PAX5: variants seen among roughly 807,000 people sequenced by gnomAD.
PAX5 encodes the protein paired box 5, also known as paired box protein Pax-5.
In PAX5, 9 loss-of-function variants were observed where a neutral mutation model predicts 43.7. The ratio of observed to expected loss-of-function variants is 0.21; its 90% CI spans 0.12 to 0.36. PAX5 has a LOEUF of 0.36. Among genes scored for constraint, PAX5 ranks in the 10% least tolerant of loss-of-function variants. PAX5 has a pLI of 1.00. For missense variants in PAX5, 383 were observed against 532.7 expected (o/e 0.72, Z 2.77); for synonymous variants, 228 against 214.3 (o/e 1.06, Z -0.56).
At chr9:36,929,386 C>T (rs79708550) in intron 6 of PAX5, among the ~76,000 whole-genome samples, 2,207 of 152,256 alleles carry the variant, frequency 0.014, 46 homozygotes, top group African/African-American at 0.049. Flanking sequence ...TTCCATTTCT[C>T]AGTTTTTTCG....
chr9:36,934,425 A>G (rs1831381983), intron 6 of PAX5, among the ~76,000 whole-genome samples: 2 of 152,240 alleles, frequency 1.3e-5, no homozygotes, highest in Non-Finnish European at 2.9e-5. Flanking sequence ...CTTGGACTCA[A>G]TGTCTATCAG....
chr9:37,020,790 C>T lies in PAX5; in HGVS notation c.58G>A (p.Val20Met). The T allele has an allele frequency of 1.2e-6, 2 of 1,614,174 alleles. No homozygotes were observed. The highest frequency in any genetic ancestry group is 2.2e-5 in the East Asian group (1 of 44,890). ...PRTSRTGHGG[V>M]NQLGGVFVNG... ...ACAAAAACCCCCCCAAGCTGATTCACTCCTCCATGTCCTGAAACAGATCAG... is the reference window on the plus strand; with the variant it reads ...ACAAAAACCCCCCCAAGCTGATTCATTCCTCCATGTCCTGAAACAGATCAG... The change falls in exon 2 of 10, where the codon GTG becomes ATG. Residue 20 changes from valine to methionine, a missense_variant. This residue lies in a region of PAX5 where 54 missense variants were observed against 68.6 expected (regional missense o/e 0.79). Transcript: ENST00000358127.
rs1828300313 is a variant in PAX5 at position 36,900,653 on chromosome 9, C to T, written c.911-18548G>A. On this transcript the variant is annotated intron_variant, in intron 7 of 9. Coordinates refer to ENST00000358127, the MANE Select transcript of PAX5 (RefSeq NM_016734.3). Reference sequence around the variant, plus strand: ...CGGGCTTCTCCATGGCGTCCTCCTCCATGGCGTCCTCCTCCTCAGCCACCC... The same window carrying T: ...CGGGCTTCTCCATGGCGTCCTCCTCTATGGCGTCCTCCTCCTCAGCCACCC... Among the ~76,000 whole-genome samples the T allele has an allele frequency of 2.0e-5, 3 of 152,188 alleles. No individual in the cohort carries two copies. In the South Asian group the frequency reaches 6.2e-4, roughly 32 times the overall value.
chr9:37,020,300 T>C (rs1839745334), intron 2 of PAX5, among the ~76,000 whole-genome samples: 1 of 152,210 alleles, frequency 6.6e-6, no homozygotes, highest in African/African-American at 2.4e-5. Context: ...TCTGGTTATG[T>C]GATATTAAGT....
At position 36,966,535 on chromosome 9, in the gene PAX5, A is replaced by T; in HGVS notation, c.780+14T>A. The T allele has an allele frequency of 1.2e-6, 2 of 1,607,624 alleles. No individual in the cohort carries two copies. Among genetic ancestry groups the T allele is most frequent in the South Asian group, 2.2e-5 (2 of 90,666 alleles). Reference sequence around the variant, plus strand: ...GCGGTGGCAGGTGTGGTGGGCGTGCATCACGAGGCGTACCTGCTCGGGCTT... The same window carrying T: ...GCGGTGGCAGGTGTGGTGGGCGTGCTTCACGAGGCGTACCTGCTCGGGCTT... On this transcript the variant is annotated intron_variant, in intron 6 of 9. Transcript: ENST00000358127.
At position 36,926,171 on chromosome 9, in the gene PAX5, G is replaced by T. The variant is rs74613252; in HGVS notation, c.781-2687C>A. Among the ~76,000 whole-genome samples the T allele has an allele frequency of 9.9e-3, 1,504 of 152,258 alleles. 26 individuals carry two copies. Among genetic ancestry groups the T allele is most frequent in the African/African-American group, 0.034 (1,421 of 41,538 alleles). On this transcript the variant is annotated intron_variant, in intron 6 of 9. Coordinates refer to ENST00000358127, the MANE Select transcript of PAX5 (RefSeq NM_016734.3). ...TACAGCTTCTAGGTGCCCAAGCCAGGATTCAAACCTGGGTCCTTCTGACTC... is the reference window on the plus strand; with the variant it reads ...TACAGCTTCTAGGTGCCCAAGCCAGTATTCAAACCTGGGTCCTTCTGACTC...
At chr9:37,031,396 C>T (rs1031801294) in intron 1 of PAX5, among the ~76,000 whole-genome samples, 4 of 152,204 alleles carry the variant, frequency 2.6e-5, no homozygotes, top group Non-Finnish European at 5.9e-5. Flanking sequence ...ATATCTATCA[C>T]TCCATTCCAG....
intron 9 of PAX5, among the ~76,000 whole-genome samples, chr9:36,842,457 C>G (rs901103863): frequency 6.6e-6 from 1 of 152,172 alleles, no homozygotes; most frequent in African/African-American, 2.4e-5. Flanking sequence ...CCCCAGCCAC[C>G]TCTCACCCTG....
At chr9:36,880,766 C>T (rs1329251111) in intron 8 of PAX5, among the ~76,000 whole-genome samples, 1 of 152,202 alleles carries the variant, frequency 6.6e-6, no homozygotes, top group Non-Finnish European at 1.5e-5. Flanking sequence ...TTAGTAGAGA[C>T]AGGGCTTCGC....
intron 5 of PAX5, among the ~76,000 whole-genome samples, chr9:36,986,774 T>A (rs1836466773): frequency 6.6e-6 from 1 of 152,148 alleles, no homozygotes; most frequent in East Asian, 1.9e-4. Flanking sequence ...CCGAGCTGTA[T>A]TCTCACGGTG....
chr9:36,981,189 C>G (rs1304199384), intron 5 of PAX5, among the ~76,000 whole-genome samples: 6 of 145,780 alleles, frequency 4.1e-5, no homozygotes, highest in Admixed American at 2.7e-4. Context: ...AGCAAAGCCC[C>G]CCCCCCCTCA....
intron 7 of PAX5, among the ~76,000 whole-genome samples, chr9:36,897,707 T>C (rs1827989725): frequency 6.6e-6 from 1 of 152,232 alleles, no homozygotes; most frequent in Non-Finnish European, 1.5e-5. Flanking sequence ...GTTGCTTTCC[T>C]GCCCTTCCCT....
intron 5 of PAX5, among the ~76,000 whole-genome samples, chr9:36,986,971 C>T (rs1236617122): frequency 6.6e-6 from 1 of 152,190 alleles, no homozygotes; most frequent in Non-Finnish European, 1.5e-5. Flanking sequence ...GGAGGAAGGC[C>T]TGGCAGCATC....
chr9:36,921,729 T>C (rs1830184314), intron 7 of PAX5, among the ~76,000 whole-genome samples: 1 of 152,214 alleles, frequency 6.6e-6, no homozygotes, highest in South Asian at 2.1e-4. Context: ...TGCCCACCTC[T>C]ATAATTATTT....
intron 6 of PAX5, among the ~76,000 whole-genome samples, chr9:36,934,021 T>C (rs1831345964): frequency 6.6e-6 from 1 of 152,188 alleles, no homozygotes; most frequent in Non-Finnish European, 1.5e-5. Context: ...AGGTTCCCTC[T>C]GTGGGCTGGT....
chr9:36,968,510 TCGGAGG>T (rs1211246070), intron 5 of PAX5, among the ~76,000 whole-genome samples: 1 of 152,216 alleles, frequency 6.6e-6, no homozygotes, highest in African/African-American at 2.4e-5. Context: ...GGAAGGGCCT[TCGGAGG>T]CAGCTCATGA....
rs1823414878 is a variant in PAX5 at position 36,854,077 on chromosome 9, C to A, written c.1013-7148G>T. On this transcript the variant is annotated intron_variant, in intron 8 of 9. Transcript: ENST00000358127. ...GTGACTTCGCAGCCAAGTTCTGTTT[C>A]TGAAGGATTCAAACTGGGCTTAGAG... 2.6e-5 allele frequency among the ~76,000 whole-genome samples: 4 copies of A among 152,370 alleles called. No homozygotes were observed. In the South Asian group the frequency reaches 8.3e-4, roughly 32 times the overall value.
intron 7 of PAX5, among the ~76,000 whole-genome samples, chr9:36,916,970 C>T (rs922640091): frequency 2.0e-5 from 3 of 152,228 alleles, no homozygotes; most frequent in Middle Eastern, 6.8e-3. Context: ...CAGGCGCGAG[C>T]CACTGCACCC....
chr9:36,909,317 T>G (rs1216867888), intron 7 of PAX5, among the ~76,000 whole-genome samples: 1 of 152,216 alleles, frequency 6.6e-6, no homozygotes, highest in Non-Finnish European at 1.5e-5. Context: ...ACATTGAGTC[T>G]GGAGAGAGCG....
Sources: gnomAD v4.1 joint callset for allele counts (sites outside exome capture counted in the v4.1 genomes callset) on GRCh38, gnomAD v4.1.1 for gene constraint, gnomAD v4.1.1 regional missense constraint, MANE v1.5 for transcripts, NCBI Gene and HGNC (gene_info 2026-07-23, HGNC 2026-07-21) for gene names.